ITSN1: variants seen among roughly 807,000 people sequenced by gnomAD.
ITSN1 encodes the protein intersectin-1.
Under a neutral mutation model 239.8 loss-of-function variants are expected in ITSN1, and 58 were observed. That is an observed-to-expected ratio of 0.24 (90% CI 0.20 to 0.30). The LOEUF is 0.30. Ranked by LOEUF, ITSN1 falls within the 10% of genes least tolerant of loss-of-function variation. The pLI, the probability that ITSN1 is intolerant of heterozygous loss-of-function variation, is 1.00. For missense variants in ITSN1, 1,558 were observed against 2,103.3 expected, an observed-to-expected ratio of 0.74 and a Z score of 5.07; for synonymous variants, 780 against 770.8, an observed-to-expected ratio of 1.01 and a Z score of -0.20.
chr21:33,678,486 T>C (rs2090731942), intron 1 of ITSN1, among the ~76,000 whole-genome samples: 1 of 152,206 alleles, frequency 6.6e-6, no homozygotes, highest in Non-Finnish European at 1.5e-5. Flanking sequence ...GCTTGGCCCA[T>C]GACATTTGTG....
At chr21:33,844,335 T>C (rs1016871711) in intron 29 of ITSN1, among the ~76,000 whole-genome samples, 1 of 152,210 alleles carries the variant, frequency 6.6e-6, no homozygotes, top group African/African-American at 2.4e-5. Flanking sequence ...AAATGGAATG[T>C]GCAGGGCTTT....
chr21:33,878,664 C>T (rs958196170), intron 34 of ITSN1, among the ~76,000 whole-genome samples: 2 of 152,186 alleles, frequency 1.3e-5, no homozygotes, highest in African/African-American at 4.8e-5. Context: ...GTGGGATGAG[C>T]AAAGGTGTGG....
In ITSN1 at chr21:33,865,470, CT is replaced by C; in HGVS notation, c.4074+138del. 1 of 679,834 alleles carries C rather than the reference CT, an allele frequency of 1.5e-6. No individual in the cohort carries two copies. The allele number at this position is 679,834 out of a possible 1,614,324, so 42.1% of individuals were successfully genotyped here. On this transcript the variant is annotated intron_variant, in intron 32 of 39. Coordinates refer to ENST00000381318, the MANE Select transcript of ITSN1 (RefSeq NM_003024.3). This position sits in a 1 kb window ranked among gnomAD's most constrained non-coding sequence, Gnocchi z 4.4. ...ACAGGGCCTAGGGTCTTGGCTAAGC[CT>C]TAGGGGACTGGCACTCACTGGCAAG...
intron 5 of ITSN1, among the ~76,000 whole-genome samples, chr21:33,738,119 G>A (rs1420890152): frequency 6.6e-6 from 1 of 151,892 alleles, no homozygotes; most frequent in African/African-American, 2.4e-5. Context: ...GGAGGTGGAG[G>A]TTGCAGTGAG....
intron 8 of ITSN1, 110 bp downstream of exon 8, chr21:33,755,507 T>C (rs986391788): frequency 8.0e-6 from 5 of 622,308 alleles, no homozygotes; most frequent in Non-Finnish European, 1.4e-5. Flanking sequence ...TTCTTGGCAG[T>C]GTTTCCTTTG....
chr21:33,668,979 G>A (rs1463761825), intron 1 of ITSN1, among the ~76,000 whole-genome samples: 1 of 152,272 alleles, frequency 6.6e-6, no homozygotes, highest in African/African-American at 2.4e-5. Context: ...GATGTGGCAA[G>A]TGGATGGCCT....
intron 19 of ITSN1, among the ~76,000 whole-genome samples, chr21:33,800,365 CA>C (rs2071891627): frequency 6.6e-6 from 1 of 151,688 alleles, no homozygotes; most frequent in Admixed American, 6.6e-5. Context: ...CATATATATA[CA>C]CACACAAAAG....
rs2073809682 is a variant in ITSN1 at position 33,823,504 on chromosome 21, A to G, written c.3034A>G (p.Thr1012Ala). 3 of 1,613,960 alleles carry G rather than the reference A, an allele frequency of 1.9e-6. No individual in the cohort carries two copies. The highest frequency in any genetic ancestry group is 1.7e-6 in the Non-Finnish European group (2 of 1,179,898). Residue 1012 changes from threonine to alanine, a missense_variant, in exon 25 of 40, where the codon ACT (threonine) becomes GCT (alanine). Coordinates refer to ENST00000381318, the MANE Select transcript of ITSN1 (RefSeq NM_003024.3). ...VSGEEFIAMY[T>A]YESSEQGDLT... ...CCCACCAGAATTTATTGCCATGTAC[A>G]CTTACGAGAGTTCTGAGCAAGGAGA...
At chr21:33,814,155 T>TG in intron 22 of ITSN1, 83 bp downstream of exon 22, 2 of 1,460,888 alleles carry the variant, frequency 1.4e-6, no homozygotes, top group Non-Finnish European at 1.9e-6. Context: ...GGCAATGTCA[T>TG]TTTGAAGCAA....
chr21:33,752,914 T>G (rs1042721181), intron 7 of ITSN1, among the ~76,000 whole-genome samples: 2 of 152,176 alleles, frequency 1.3e-5, no homozygotes, highest in African/African-American at 4.8e-5. Context: ...TTTCCCACTT[T>G]CAAGAGAAAA....
At chr21:33,685,930 G>A (rs1452745396) in intron 1 of ITSN1, among the ~76,000 whole-genome samples, 1 of 152,146 alleles carries the variant, frequency 6.6e-6, no homozygotes, top group Non-Finnish European at 1.5e-5. Context: ...AGACTGAATT[G>A]AATATTTGTT....
chr21:33,829,824 G>A (rs1472666895), intron 27 of ITSN1, 79 bp downstream of exon 27: 2 of 1,550,774 alleles, frequency 1.3e-6, no homozygotes, highest in African/African-American at 2.7e-5. Flanking sequence ...CTATTTTATT[G>A]TAAAGTACAA....
At chr21:33,680,006 T>C (rs551207642) in intron 1 of ITSN1, among the ~76,000 whole-genome samples, 207 of 152,314 alleles carry the variant, frequency 1.4e-3, no homozygotes, top group African/African-American at 4.8e-3. Context: ...CCCATCCTTT[T>C]GTTTTTAATC....
chr21:33,847,705 G>A (rs1181520539), intron 29 of ITSN1, among the ~76,000 whole-genome samples: 1 of 152,172 alleles, frequency 6.6e-6, no homozygotes. Context: ...TACAGCCATT[G>A]AGCCTCTTGG....
In ITSN1 at chr21:33,775,012, A is replaced by T; in HGVS notation, c.1500A>T (p.Arg500Ser). ...HQLEGKLQDI[R>S]CRLTTQRQEI... is the part of the protein sequence containing the mutation. Reference sequence around the variant, plus strand: ...TAGAAGGGAAACTTCAAGATATCAGATGTCGATTGACCACCCAAAGGCAAG... The same window carrying T: ...TAGAAGGGAAACTTCAAGATATCAGTTGTCGATTGACCACCCAAAGGCAAG... Residue 500 changes from arginine (R) to serine (S), a missense_variant, in exon 14 of 40, where the codon AGA (arginine) becomes AGT (serine). Coordinates refer to ENST00000381318, the MANE Select transcript of ITSN1 (RefSeq NM_003024.3). 6.2e-7 allele frequency: 1 copy of T among 1,613,886 alleles called. No homozygotes were observed. Among genetic ancestry groups the T allele is most frequent in the South Asian group, 1.1e-5 (1 of 91,054 alleles).
chr21:33,681,119 T>A (rs1033476156), intron 1 of ITSN1, among the ~76,000 whole-genome samples: 8 of 152,058 alleles, frequency 5.3e-5, no homozygotes, highest in Non-Finnish European at 1.2e-4. Flanking sequence ...AAGCAAGAAA[T>A]ATTTACCCGC....
intron 2 of ITSN1, among the ~76,000 whole-genome samples, chr21:33,720,532 C>G (rs1485457048): frequency 2.6e-5 from 4 of 152,028 alleles, no homozygotes; most frequent in Admixed American, 2.6e-4. Flanking sequence ...TTCTCTTTGG[C>G]TATTATTTCA....
chr21:33,826,311 A>AGTTGTCCCT (rs1359061515), intron 25 of ITSN1, among the ~76,000 whole-genome samples: 1 of 152,246 alleles, frequency 6.6e-6, no homozygotes, highest in Non-Finnish European at 1.5e-5. Flanking sequence ...GAGAGGTTCC[A>AGTTGTCCCT]GTTGTCCCTG....
At chr21:33,887,109 G>A (rs1985920420) in intron 39 of ITSN1, among the ~76,000 whole-genome samples, 1 of 152,080 alleles carries the variant, frequency 6.6e-6, no homozygotes, top group Non-Finnish European at 1.5e-5. Flanking sequence ...CTTAAGCCCA[G>A]GAGTCTAAGA....
Sources: gnomAD v4.1 joint callset for allele counts (sites outside exome capture counted in the v4.1 genomes callset) on GRCh38, gnomAD v4.1.1 for gene constraint, Gnocchi (gnomAD v3.1) non-coding constraint, MANE v1.5 for transcripts, NCBI Gene and HGNC (gene_info 2026-07-23, HGNC 2026-07-21) for gene names.